The following LINGO2 variants were observed in gnomAD, a reference collection of about 807,000 sequenced individuals.
The protein encoded by LINGO2 is leucine rich repeat and Ig domain containing 2, also known as leucine-rich repeat and immunoglobulin-like domain-containing nogo receptor-interacting protein 2.
LINGO2 carries 14 observed loss-of-function variants against 30.6 expected under a neutral mutation model. The observed-to-expected ratio is 0.46, with a 90% confidence interval of 0.30 to 0.72. LINGO2 has a LOEUF of 0.72. Ranked by LOEUF, LINGO2 falls within the 30% of genes least tolerant of loss-of-function variation. LINGO2 has a pLI of 0.07. For synonymous variants in LINGO2, 317 were observed against 288.5 expected (o/e 1.10, Z -1.00); for missense variants, 729 against 751.7 (o/e 0.97, Z 0.35).
chr9:28,026,976 T>A (rs1823409045), intron 4 of LINGO2, among the ~76,000 whole-genome samples: 1 of 152,148 alleles, frequency 6.6e-6, no homozygotes, highest in Non-Finnish European at 1.5e-5. Context: ...CTTCATAGCT[T>A]ATTGTAGTTA....
At chr9:29,068,513 G>C in the LINGO2 span, among the ~76,000 whole-genome samples, 1 of 151,630 alleles carries the variant, frequency 6.6e-6, no homozygotes, top group African/African-American at 2.4e-5. Flanking sequence ...TTATAATAAA[G>C]CAATTGACAT....
At chr9:28,135,238 G>C (rs1214176374) in intron 4 of LINGO2, among the ~76,000 whole-genome samples, 1 of 151,982 alleles carries the variant, frequency 6.6e-6, no homozygotes, top group African/African-American at 2.4e-5. Flanking sequence ...TATGAAAGAA[G>C]ACCCTAAAGA....
chr9:28,887,172 G>A, the LINGO2 span, among the ~76,000 whole-genome samples: 9 of 152,196 alleles, frequency 5.9e-5, no homozygotes, highest in East Asian at 1.5e-3. Flanking sequence ...CCAGACTCTG[G>A]CAGAACAGTT....
chr9:29,090,764 G>A, the LINGO2 span, among the ~76,000 whole-genome samples: 51 of 144,086 alleles, frequency 3.5e-4, no homozygotes, highest in African/African-American at 1.0e-3. Context: ...CAGAATTTTA[G>A]TAAATTTATT....
chr9:29,056,300 A>G, the LINGO2 span, among the ~76,000 whole-genome samples: 2 of 152,046 alleles, frequency 1.3e-5, no homozygotes, highest in African/African-American at 4.8e-5. Flanking sequence ...TCCTTGAAGG[A>G]GTAAGGTGGT....
At chr9:28,310,019 G>A (rs1464349253) in intron 3 of LINGO2, among the ~76,000 whole-genome samples, 1 of 152,082 alleles carries the variant, frequency 6.6e-6, no homozygotes, top group Non-Finnish European at 1.5e-5. Flanking sequence ...GTTGGCAAGG[G>A]TGTGGAGGAA....
chr9:28,741,410 C>A, the LINGO2 span, among the ~76,000 whole-genome samples: 1 of 151,958 alleles, frequency 6.6e-6, no homozygotes, highest in Non-Finnish European at 1.5e-5. Context: ...TGAGTAGAAT[C>A]ATTCACAGAG....
At chr9:27,974,398 C>T (rs1820496471) in intron 5 of LINGO2, among the ~76,000 whole-genome samples, 3 of 152,072 alleles carry the variant, frequency 2.0e-5, no homozygotes, top group African/African-American at 7.2e-5. Context: ...CTTTTGAGTG[C>T]TACACAGTGT....
chr9:28,760,721 T>C, the LINGO2 span, among the ~76,000 whole-genome samples: 23,885 of 151,580 alleles, frequency 0.16, 2,489 homozygotes, highest in East Asian at 0.54. Context: ...TCTCATGGCT[T>C]AGCTCCCACT....
intron 1 of LINGO2, among the ~76,000 whole-genome samples, chr9:28,582,441 C>T (rs1049885566): frequency 3.9e-5 from 6 of 152,044 alleles, no homozygotes; most frequent in African/African-American, 1.2e-4. Context: ...ACTCCAGTAA[C>T]CGTGCTTCTG....
At chr9:28,648,331 T>C (rs1827936160) in intron 1 of LINGO2, among the ~76,000 whole-genome samples, 1 of 152,144 alleles carries the variant, frequency 6.6e-6, no homozygotes, top group African/African-American at 2.4e-5. Flanking sequence ...TAAATTTATA[T>C]TAACAAAACT....
At chr9:29,072,280 T>C in the LINGO2 span, among the ~76,000 whole-genome samples, 1 of 152,158 alleles carries the variant, frequency 6.6e-6, no homozygotes, top group Non-Finnish European at 1.5e-5. Context: ...ATATATGTAA[T>C]AGAATAGAAG....
chr9:28,848,675 A>G, the LINGO2 span, among the ~76,000 whole-genome samples: 5 of 151,472 alleles, frequency 3.3e-5, no homozygotes, highest in Non-Finnish European at 7.4e-5. Context: ...CAAGTCTTAT[A>G]TTTTGAGATG....
At position 28,367,103 on chromosome 9, in the gene LINGO2, A is replaced by ATATAT. The variant is rs1564153636; in HGVS notation, c.-246+5732_-246+5733insATATA. The stretch of plus-strand genomic sequence containing the variant: ...TATAGTTGTATTATAATTTTGGTTA[A>ATATAT]ATCAAAAGTCAGCACATATTATTAT... On this transcript the variant is annotated intron_variant, in intron 3 of 5. Coordinates refer to ENST00000379992, the Ensembl canonical transcript of LINGO2. 9.8e-3 allele frequency among the ~76,000 whole-genome samples: 1,376 copies of ATATAT among 140,674 alleles called. 17 individuals carry two copies. Among genetic ancestry groups the ATATAT allele is most frequent in the African/African-American group, 0.035 (1,294 of 37,306 alleles). 92.3% of individuals were successfully genotyped at this position (140,674 alleles called of 152,430 possible).
intron 2 of LINGO2, among the ~76,000 whole-genome samples, chr9:28,470,434 A>G (rs1383549417): frequency 6.6e-6 from 1 of 152,152 alleles, no homozygotes; most frequent in Non-Finnish European, 1.5e-5. Flanking sequence ...ACTGGAAATA[A>G]ATCAACCATT....
At chr9:28,717,036 CA>C in the LINGO2 span, among the ~76,000 whole-genome samples, 5 of 151,706 alleles carry the variant, frequency 3.3e-5, no homozygotes, top group African/African-American at 1.2e-4. Flanking sequence ...TAAAAACAAC[CA>C]AAGGGTAACT....
the LINGO2 span, among the ~76,000 whole-genome samples, chr9:28,960,174 A>T: frequency 2.0e-4 from 30 of 152,186 alleles, no homozygotes; most frequent in African/African-American, 5.8e-4. Context: ...AGTTTTAATT[A>T]AAAAAGATAG....
intron 1 of LINGO2, among the ~76,000 whole-genome samples, chr9:28,507,062 G>T (rs563094108): frequency 1.3e-5 from 2 of 152,040 alleles, no homozygotes; most frequent in Admixed American, 6.6e-5. Context: ...GAAAATTCTT[G>T]AGCATCAAGG....
At chr9:28,046,417 A>G (rs563950295) in intron 4 of LINGO2, among the ~76,000 whole-genome samples, 17 of 152,266 alleles carry the variant, frequency 1.1e-4, no homozygotes, top group African/African-American at 3.8e-4. Context: ...GGGTCCACCA[A>G]TTTGCATTTC....
Sources: gnomAD v4.1 joint callset for allele counts (sites outside exome capture counted in the v4.1 genomes callset) on GRCh38, gnomAD v4.1.1 for gene constraint, MANE v1.5 for transcripts, NCBI Gene and HGNC (gene_info 2026-07-23, HGNC 2026-07-21) for gene names.